Variants in PDE10A observed in about 807,000 individuals in gnomAD.
PDE10A encodes phosphodiesterase 10A, also known as cAMP and cAMP-inhibited cGMP 3',5'-cyclic phosphodiesterase 10A.
Under a neutral mutation model 97.7 loss-of-function variants are expected in PDE10A, and 39 were observed. The ratio of observed to expected loss-of-function variants is 0.40; its 90% confidence interval spans 0.31 to 0.52. The LOEUF (loss-of-function observed/expected upper bound fraction) is 0.52. PDE10A is among the 20% of genes least tolerant of loss of function. The pLI, the probability that PDE10A is intolerant of heterozygous loss-of-function variation, is 0.56. For synonymous variants in PDE10A, 371 were observed against 376.8 expected (o/e 0.98, Z 0.18); for missense variants, 731 against 1,047.8 (o/e 0.70, Z 4.17).
At chr6:165,334,765 G>A (rs1781549943) in intron 21 of PDE10A, among the ~76,000 whole-genome samples, 1 of 152,124 alleles carries the variant, frequency 6.6e-6, no homozygotes, top group African/African-American at 2.4e-5. Flanking sequence ...AGGCTCAACA[G>A]AACAAGGTGG....
At chr6:165,947,342 G>A (rs1583327679) in intron 1 of PDE10A, 1 of 152,348 alleles carries the variant, frequency 6.6e-6, no homozygotes, top group Middle Eastern at 3.4e-3. Context: ...TAAGTTGACA[G>A]TGGGTTAAGA....
intron 1 of PDE10A, among the ~76,000 whole-genome samples, chr6:165,970,026 A>T (rs536869948): frequency 7.9e-5 from 12 of 152,362 alleles, no homozygotes; most frequent in African/African-American, 2.4e-4. Flanking sequence ...CAAAGTAAAC[A>T]CCGTCAGTAA....
At chr6:165,486,638 C>G (rs919627239) in intron 2 of PDE10A, among the ~76,000 whole-genome samples, 1 of 152,348 alleles carries the variant, frequency 6.6e-6, no homozygotes, top group African/African-American at 2.4e-5. Flanking sequence ...GCACACACAT[C>G]TCATACACGG....
intron 13 of PDE10A, among the ~76,000 whole-genome samples, chr6:165,411,994 G>C (rs927542387): frequency 6.6e-6 from 1 of 151,932 alleles, no homozygotes; most frequent in Admixed American, 6.5e-5. Context: ...AACTATTGCT[G>C]TTTTAAGCCA....
chr6:165,391,853 G>A (rs1785744098), intron 16 of PDE10A, among the ~76,000 whole-genome samples: 1 of 152,180 alleles, frequency 6.6e-6, no homozygotes, highest in Non-Finnish European at 1.5e-5. Context: ...TTTGAGAAAA[G>A]CACAATTTAT....
At chr6:165,792,264 G>C (rs559127886) in intron 1 of PDE10A, among the ~76,000 whole-genome samples, 2 of 152,292 alleles carry the variant, frequency 1.3e-5, no homozygotes, top group South Asian at 2.1e-4. Context: ...AGTCACCGTC[G>C]AGCAGAAGGC....
At chr6:165,350,682 T>TC (rs1361684453) in intron 18 of PDE10A, among the ~76,000 whole-genome samples, 1 of 152,176 alleles carries the variant, frequency 6.6e-6, no homozygotes, top group Non-Finnish European at 1.5e-5. Flanking sequence ...CCCCTAACCC[T>TC]CACTTGTCAT....
chr6:165,496,381 T>C (rs1463974068), intron 2 of PDE10A, among the ~76,000 whole-genome samples: 1 of 152,198 alleles, frequency 6.6e-6, no homozygotes, highest in Non-Finnish European at 1.5e-5. Flanking sequence ...TTGGAGTCAA[T>C]AGATCTTTCT....
chr6:165,701,290 A>G (rs1791563448), intron 1 of PDE10A, among the ~76,000 whole-genome samples: 1 of 152,240 alleles, frequency 6.6e-6, no homozygotes, highest in Non-Finnish European at 1.5e-5. Flanking sequence ...TATGTGCATT[A>G]CACAAGCATA....
chr6:165,328,246 T>C lies in PDE10A; in HGVS notation c.*4779A>G, dbSNP rs1362770245. The stretch of plus-strand genomic sequence containing the variant: ...TATATAGGCTATCAGAGATACAGCA[T>C]AGGACTGGGTATTAAGGTGACTAAA... On this transcript the variant is annotated 3_prime_UTR_variant, in exon 22 of 22. Transcript: ENST00000539869. The C allele has an allele frequency of 6.6e-6, 1 of 152,184 alleles. No homozygotes were observed. Among genetic ancestry groups the C allele is most frequent in the East Asian group, 1.9e-4 (1 of 5,194 alleles). 9.4% of individuals were successfully genotyped at this position (152,184 alleles called of 1,614,324 possible). A position where few individuals can be genotyped will look rare whatever the true frequency, so the allele number is the denominator to read the frequency against.
At chr6:165,413,410 TGAAAA>T (rs1788053454) in intron 13 of PDE10A, 86 bp downstream of exon 13, 10 of 718,908 alleles carry the variant, frequency 1.4e-5, no homozygotes, top group Non-Finnish European at 2.1e-5. Context: ...GAAATATAAA[TGAAAA>T]AAAAAAAGCC....
At chr6:165,482,515 C>T (rs1029062170) in intron 2 of PDE10A, among the ~76,000 whole-genome samples, 172 bp from the exon 3 acceptor site, 13 of 152,036 alleles carry the variant, frequency 8.6e-5, no homozygotes, top group East Asian at 3.8e-4. Flanking sequence ...TAACATATTA[C>T]GAGTTAAGAA....
chr6:165,409,674 T>G (rs1787571966), intron 13 of PDE10A: 1 of 153,358 alleles, frequency 6.5e-6, no homozygotes, highest in South Asian at 2.1e-4. Context: ...CCAGCTTTGG[T>G]CCAGTGCGGG....
chr6:165,688,199 A>T (rs2128441023), intron 1 of PDE10A, among the ~76,000 whole-genome samples: 1 of 152,328 alleles, frequency 6.6e-6, no homozygotes, highest in Admixed American at 6.5e-5. Context: ...AGTTTAAAAA[A>T]TCTAAAGAGA....
At chr6:165,600,224 C>G (rs1786860988) in intron 1 of PDE10A, among the ~76,000 whole-genome samples, 1 of 152,212 alleles carries the variant, frequency 6.6e-6, no homozygotes, top group Non-Finnish European at 1.5e-5. Flanking sequence ...TTTTTCAGGG[C>G]TGCATGCTGG....
chr6:165,912,714 A>T (rs1782496594), intron 1 of PDE10A, among the ~76,000 whole-genome samples: 1 of 152,254 alleles, frequency 6.6e-6, no homozygotes, highest in African/African-American at 2.4e-5. Context: ...AACCAATAAC[A>T]TAAATTAAAT....
At chr6:165,580,366 G>C (rs188871054) in intron 1 of PDE10A, among the ~76,000 whole-genome samples, 3 of 152,308 alleles carry the variant, frequency 2.0e-5, no homozygotes, top group East Asian at 3.9e-4. Flanking sequence ...AGTGATGCAA[G>C]AAGGGCATGG....
chr6:165,896,316 C>T (rs1781946719), intron 1 of PDE10A, among the ~76,000 whole-genome samples: 1 of 152,024 alleles, frequency 6.6e-6, no homozygotes, highest in Admixed American at 6.6e-5. Context: ...GTAACTGAAA[C>T]ACCTAGCACA....
intron 2 of PDE10A, among the ~76,000 whole-genome samples, chr6:165,484,658 T>C (rs1187966021): frequency 6.6e-6 from 1 of 152,144 alleles, no homozygotes; most frequent in Non-Finnish European, 1.5e-5. Flanking sequence ...TGCACACTCA[T>C]ATCAAAACTC....
Sources: gnomAD v4.1 joint callset for allele counts (sites outside exome capture counted in the v4.1 genomes callset) on GRCh38, gnomAD v4.1.1 for gene constraint, MANE v1.5 for transcripts, NCBI Gene and HGNC (gene_info 2026-07-23, HGNC 2026-07-21) for gene names.